Variants in JAZF1 observed in about 807,000 individuals in gnomAD.
The protein encoded by JAZF1 is juxtaposed with another zinc finger protein 1.
Under a neutral mutation model 26.4 loss-of-function variants are expected in JAZF1, and 8 were observed. That is an observed-to-expected ratio of 0.30 (90% CI 0.18 to 0.55). JAZF1 has a LOEUF of 0.55. Ranked by LOEUF, JAZF1 falls within the 20% of genes least tolerant of loss-of-function variation. The pLI is 0.94. For synonymous variants in JAZF1, 126 were observed against 122.3 expected (o/e 1.03, Z -0.20); for missense variants, 199 against 322.0 (o/e 0.62, Z 2.92).
intron 2 of JAZF1, among the ~76,000 whole-genome samples, chr7:27,986,486 A>C (rs900208451): frequency 2.0e-5 from 3 of 152,254 alleles, no homozygotes; most frequent in African/African-American, 4.8e-5. Flanking sequence ...ATGGAAGAAC[A>C]TTCCATGCTC....
intron 1 of JAZF1, among the ~76,000 whole-genome samples, chr7:28,090,059 T>C (rs1784269754): frequency 6.6e-6 from 1 of 152,248 alleles, no homozygotes; most frequent in Admixed American, 6.5e-5. Context: ...GGTGCCATTG[T>C]CAGTCAAGAA....
At chr7:27,998,274 C>G (rs994007698) in intron 1 of JAZF1, among the ~76,000 whole-genome samples, 1 of 152,148 alleles carries the variant, frequency 6.6e-6, no homozygotes, top group Middle Eastern at 3.2e-3. Flanking sequence ...TTGTTACTAT[C>G]CAGTTCTAAC....
At position 27,913,293 on chromosome 7, in the gene JAZF1, T is replaced by TTG. The variant is rs886782439; in HGVS notation, c.189-17879_189-17878dup. 478 of 292,678 alleles carry TTG rather than the reference T, an allele frequency of 1.6e-3. 2 individuals are homozygous for TTG. The highest frequency in any genetic ancestry group is 8.9e-3 in the African/African-American group (377 of 42,426). The allele number at this position is 292,678 out of a possible 1,614,324, so 18.1% of individuals were successfully genotyped here. A position where few individuals can be genotyped will look rare whatever the true frequency, so the allele number is the denominator to read the frequency against. On this transcript the variant is annotated intron_variant, in intron 2 of 4. Coordinates refer to ENST00000283928, the MANE Select transcript of JAZF1 (RefSeq NM_175061.4). ...ATTTATATATATTATATATATATAT[T>TTG]TGTGTGTGTGTGTGTAGCCAGATTG... is the stretch of plus-strand genomic sequence containing the variant.
intron 3 of JAZF1, among the ~76,000 whole-genome samples, chr7:27,865,578 T>C (rs1363892045): frequency 6.6e-6 from 1 of 152,070 alleles, no homozygotes; most frequent in Admixed American, 6.5e-5. Context: ...AATAATGGTA[T>C]CCAACATTTA....
intron 1 of JAZF1, among the ~76,000 whole-genome samples, chr7:28,042,657 T>C (rs916213276): frequency 4.6e-5 from 7 of 152,222 alleles, no homozygotes; most frequent in Non-Finnish European, 8.8e-5. Flanking sequence ...TGGTCAATGA[T>C]GGAACACTTA....
chr7:28,165,416 G>A (rs1783353319), intron 1 of JAZF1, among the ~76,000 whole-genome samples: 1 of 152,088 alleles, frequency 6.6e-6, no homozygotes, highest in Admixed American at 6.6e-5. Context: ...TGGTAATGGG[G>A]CTTTGAGCTA....
chr7:28,157,421 T>C (rs1043106805), intron 1 of JAZF1, among the ~76,000 whole-genome samples: 3 of 152,254 alleles, frequency 2.0e-5, no homozygotes, highest in African/African-American at 4.8e-5. Flanking sequence ...ACAGACGGTA[T>C]AAAAATAAGG....
At chr7:28,178,727 A>G (rs1040426005) in intron 1 of JAZF1, among the ~76,000 whole-genome samples, 5 of 152,234 alleles carry the variant, frequency 3.3e-5, no homozygotes, top group African/African-American at 1.2e-4. Flanking sequence ...GATATGAATC[A>G]GCAAATTGGT....
chr7:28,035,154 T>C (rs1345442021), intron 1 of JAZF1, among the ~76,000 whole-genome samples: 4 of 151,072 alleles, frequency 2.6e-5, no homozygotes, highest in African/African-American at 7.3e-5. Context: ...TCATCTCTAC[T>C]AAAAATACGA....
intron 1 of JAZF1, among the ~76,000 whole-genome samples, chr7:28,108,907 T>C (rs1277354636): frequency 6.6e-6 from 1 of 152,206 alleles, no homozygotes; most frequent in Non-Finnish European, 1.5e-5. Context: ...ATAACATGAA[T>C]GAACCTTGAG....
At chr7:28,101,576 T>TGA (rs1784472031) in intron 1 of JAZF1, among the ~76,000 whole-genome samples, 1 of 97,998 alleles carries the variant, frequency 1.0e-5, no homozygotes, top group Non-Finnish European at 1.9e-5. Context: ...ATTTCTATAT[T>TGA]AAAAAAAAAA....
intron 1 of JAZF1, among the ~76,000 whole-genome samples, chr7:28,064,684 TCTAA>T (rs1783852234): frequency 6.6e-6 from 1 of 152,214 alleles, no homozygotes; most frequent in African/African-American, 2.4e-5. Context: ...CTTATTATCA[TCTAA>T]CTCAGTCTTC....
At chr7:28,028,752 T>C (rs1320575457) in intron 1 of JAZF1, among the ~76,000 whole-genome samples, 3 of 152,198 alleles carry the variant, frequency 2.0e-5, no homozygotes, top group Non-Finnish European at 4.4e-5. Context: ...ATGTACTAAG[T>C]GTCTATTAAA....
chr7:28,163,999 T>C (rs1783328988), intron 1 of JAZF1, among the ~76,000 whole-genome samples: 1 of 152,270 alleles, frequency 6.6e-6, no homozygotes, highest in African/African-American at 2.4e-5. Context: ...ATGTGCATGA[T>C]GTGAATAGAG....
chr7:28,110,765 G>A (rs1307044782), intron 1 of JAZF1, among the ~76,000 whole-genome samples: 3 of 152,150 alleles, frequency 2.0e-5, no homozygotes, highest in South Asian at 2.1e-4. Context: ...TTCTGCCTCA[G>A]TGTCCTGAAG....
intron 2 of JAZF1, among the ~76,000 whole-genome samples, chr7:27,948,748 A>G (rs1784959330): frequency 6.6e-6 from 1 of 152,186 alleles, no homozygotes; most frequent in Non-Finnish European, 1.5e-5. Flanking sequence ...AGATTGCTAG[A>G]TCATGTTTTT....
At chr7:27,952,677 C>A (rs1785030179) in intron 2 of JAZF1, among the ~76,000 whole-genome samples, 1 of 152,188 alleles carries the variant, frequency 6.6e-6, no homozygotes, top group African/African-American at 2.4e-5. Flanking sequence ...CTGCAACCAG[C>A]TATAGGGCTG....
chr7:28,030,296 G>A (rs974382887), intron 1 of JAZF1, among the ~76,000 whole-genome samples: 1 of 152,220 alleles, frequency 6.6e-6, no homozygotes, highest in Non-Finnish European at 1.5e-5. Context: ...AATGCGGACA[G>A]GAGTAAGAGA....
rs377236519 is a variant in JAZF1 at position 27,940,665 on chromosome 7, A to G, written c.189-45249T>C. On this transcript the variant is annotated intron_variant, in intron 2 of 4. Transcript: ENST00000283928. Reference sequence around the variant, plus strand: ...TTGGGTGGGTGGCGTACTTGGGTGGAGGCGGCCTGGGTCTTGGGTCTCCGA... The same window carrying G: ...TTGGGTGGGTGGCGTACTTGGGTGGGGGCGGCCTGGGTCTTGGGTCTCCGA... Among the ~76,000 whole-genome samples the G allele has an allele frequency of 1.5e-3, 232 of 152,268 alleles. 2 individuals carry two copies. The highest frequency in any genetic ancestry group is 5.3e-3 in the African/African-American group (221 of 41,558).
Sources: allele counts gnomAD v4.1 joint callset (sites outside exome capture counted in the v4.1 genomes callset), GRCh38; gene constraint gnomAD v4.1.1; transcripts MANE v1.5; gene names NCBI Gene and HGNC (gene_info 2026-07-23, HGNC 2026-07-21).